SLC9A1: variants seen among roughly 807,000 people sequenced by gnomAD.
The protein encoded by SLC9A1 is solute carrier family 9 member A1.
SLC9A1 carries 22 observed loss-of-function variants against 67.9 expected under a neutral mutation model. The ratio of observed to expected loss-of-function variants is 0.32; its 90% CI spans 0.23 to 0.46. The LOEUF is 0.46. SLC9A1 is among the 20% of genes least tolerant of loss of function. The pLI is 1.00. For missense variants in SLC9A1, 686 were observed against 1,094.8 expected (o/e 0.63, Z 5.27); for synonymous variants, 421 against 471.8 (o/e 0.89, Z 1.40).
At chr1:27,153,796 G>C (rs1000371502) in intron 1 of SLC9A1, among the ~76,000 whole-genome samples, 187 bp downstream of exon 1, 2 of 152,174 alleles carry the variant, frequency 1.3e-5, no homozygotes, top group African/African-American at 4.8e-5. Context: ...ATCTTGGGAA[G>C]CCTCAGATCA....
At chr1:27,128,605 G>A (rs902204265) in intron 1 of SLC9A1, among the ~76,000 whole-genome samples, 8 of 150,246 alleles carry the variant, frequency 5.3e-5, no homozygotes, top group African/African-American at 1.2e-4. Flanking sequence ...TCAGTGAGCC[G>A]AGATCATGCC....
intron 5 of SLC9A1, 49 bp from the exon 6 acceptor site, chr1:27,103,361 G>A: frequency 7.4e-7 from 1 of 1,346,188 alleles, no homozygotes. Flanking sequence ...ACCCAGGCAG[G>A]GAGGCCACAG....
chr1:27,129,088 C>A (rs752453), intron 1 of SLC9A1, among the ~76,000 whole-genome samples: 3,777 of 152,288 alleles, frequency 0.025, 157 homozygotes, highest in African/African-American at 0.084. Flanking sequence ...ACTAGGGAGG[C>A]AAGAGCTTCT....
chr1:27,150,627 C>T (rs2083520287), intron 1 of SLC9A1, among the ~76,000 whole-genome samples: 1 of 152,136 alleles, frequency 6.6e-6, no homozygotes, highest in Admixed American at 6.6e-5. Context: ...TGGCCCCTCC[C>T]CACCAAGGAC....
At chr1:27,145,880 A>G (rs2083481942) in intron 1 of SLC9A1, among the ~76,000 whole-genome samples, 1 of 152,232 alleles carries the variant, frequency 6.6e-6, no homozygotes, top group South Asian at 2.1e-4. Context: ...AGTCAGCATG[A>G]TCCCAGGGAA....
In SLC9A1 at chr1:27,098,921, C is replaced by T. The variant is rs1308974239; in HGVS notation, c.*1386G>A. The T allele has an allele frequency of 1.3e-5, 2 of 152,676 alleles. No homozygotes were observed. The highest frequency in any genetic ancestry group is 2.9e-5 in the Non-Finnish European group (2 of 68,090). The allele number at this position is 152,676 out of a possible 1,614,324, so 9.5% of individuals were successfully genotyped here. On this transcript the variant is annotated 3_prime_UTR_variant, in exon 12 of 12. Transcript: ENST00000263980. ...GCTTGGTACGTGGTTGTCGATGTCA[C>T]CCTTGCATGGTGACTCCTGCCCAAA...
chr1:27,141,214 T>G (rs1249408584), intron 1 of SLC9A1, among the ~76,000 whole-genome samples: 2 of 151,990 alleles, frequency 1.3e-5, no homozygotes, highest in Non-Finnish European at 2.9e-5. Flanking sequence ...AATAAAAAAT[T>G]AAAAAAAATT....
At chr1:27,107,936 G>T in intron 3 of SLC9A1, 71 bp from the exon 4 acceptor site, 1 of 1,165,470 alleles carries the variant, frequency 8.6e-7, no homozygotes, top group Non-Finnish European at 1.2e-6. Context: ...CACTGCCAGG[G>T]GCAATGGGGC....
intron 1 of SLC9A1, among the ~76,000 whole-genome samples, chr1:27,132,215 A>G (rs563388923): frequency 6.6e-6 from 1 of 152,072 alleles, no homozygotes; most frequent in African/African-American, 2.4e-5. Context: ...CAATTCTCCA[A>G]AAGGAGGACA....
At chr1:27,151,077 G>A (rs1483276391) in intron 1 of SLC9A1, among the ~76,000 whole-genome samples, 1 of 152,074 alleles carries the variant, frequency 6.6e-6, no homozygotes, top group Non-Finnish European at 1.5e-5. Context: ...CTCCCGCCAT[G>A]ACCAGCTCAA....
At chr1:27,145,080 A>G (rs1308752352) in intron 1 of SLC9A1, among the ~76,000 whole-genome samples, 1 of 152,072 alleles carries the variant, frequency 6.6e-6, no homozygotes, top group East Asian at 1.9e-4. Flanking sequence ...AAGGAAAAAA[A>G]AAAAAAAAAA....
intron 1 of SLC9A1, among the ~76,000 whole-genome samples, chr1:27,150,210 G>C (rs2083517181): frequency 6.6e-6 from 1 of 152,116 alleles, no homozygotes; most frequent in Non-Finnish European, 1.5e-5. Context: ...AGTGGGCAGT[G>C]ACCCCATCTC....
Position 27,137,696 on chromosome 1 carries a change from G to A in SLC9A1, c.352+16287C>T, listed in dbSNP as rs1049083401. 2.6e-5 allele frequency among the ~76,000 whole-genome samples: 4 copies of A among 152,118 alleles called. No homozygotes were observed. Among genetic ancestry groups the A allele is most frequent in the African/African-American group, 2.4e-5 (1 of 41,448 alleles). ...GACCATAGGGTTCAGCAGGGAACAC[G>A]CATGTCCAACCCTGGTGTTCAGCAA... On this transcript the variant is annotated intron_variant, in intron 1 of 11. Transcript: ENST00000263980. This position sits in a 1 kb window ranked among gnomAD's most constrained non-coding sequence, Gnocchi z 4.6.
intron 1 of SLC9A1, among the ~76,000 whole-genome samples, chr1:27,120,537 A>T (rs1482117759): frequency 6.6e-6 from 1 of 151,570 alleles, no homozygotes; most frequent in Admixed American, 6.6e-5. Context: ...CAGGAGTTCT[A>T]GACCACAGTG....
At position 27,120,220 on chromosome 1, in the gene SLC9A1, G is replaced by C. The variant is rs1377234530; in HGVS notation, c.353-5934C>G. On this transcript the variant is annotated intron_variant, in intron 1 of 11. Transcript: ENST00000263980. The stretch of plus-strand genomic sequence containing the variant: ...GGCTCACTACAGCGTCTGCCTCCCG[G>C]GTTCAAGTGATTCTCCTGCCTTAAC... Among the ~76,000 whole-genome samples, 25 of 151,922 alleles carry C rather than the reference G, an allele frequency of 1.6e-4. 1 individual carries two copies. The highest frequency in any genetic ancestry group is 1.6e-3 in the Admixed American group (25 of 15,248).
chr1:27,120,661 C>T (rs1343402142), intron 1 of SLC9A1, among the ~76,000 whole-genome samples: 7 of 151,908 alleles, frequency 4.6e-5, no homozygotes, highest in Non-Finnish European at 1.0e-4. Context: ...TCACTTGAAC[C>T]TGTTAGGCAG....
In SLC9A1 at chr1:27,100,414, C is replaced by T. The variant is rs200843173; in HGVS notation, c.2341G>A (p.Ala781Thr). The change falls in exon 12 of 12, where the codon GCG becomes ACG. Residue 781 changes from alanine to threonine, a missense_variant. Physicochemically the swap from Ala to Thr is moderately conservative, Grantham distance 58. Transcript: ENST00000263980. The surrounding 1 kb of genome is among the most constrained non-coding windows in gnomAD (Gnocchi z 5.6). ...TGGGAGCTGGGGCTGTCACTGGGCGCGGGGGTGAAGACATCGTCGGTTCCT... is the reference window on the plus strand; with the variant it reads ...TGGGAGCTGGGGCTGTCACTGGGCGTGGGGGTGAAGACATCGTCGGTTCCT... ...SPGTDDVFTP[A>T]PSDSPSSQRI... is the part of the protein sequence containing the mutation. The T allele has an allele frequency of 4.9e-5, 79 of 1,608,684 alleles. No individual in the cohort carries two copies. Among genetic ancestry groups the T allele is most frequent in the Middle Eastern group, 1.7e-4 (1 of 6,030 alleles).
Position 27,099,994 on chromosome 1 carries a change from G to A in SLC9A1, c.*313C>T, listed in dbSNP as rs752699041. ...TTGGTCTGAATGAGGAGGAGGATGA[G>A]GCAGAGGGAGGAGCCTCCGAGGCCC... On this transcript the variant is annotated 3_prime_UTR_variant, in exon 12 of 12. Coordinates refer to ENST00000263980, the MANE Select transcript of SLC9A1 (RefSeq NM_003047.5). 1.4e-5 allele frequency: 5 copies of A among 355,124 alleles called. No individual in the cohort carries two copies. Among genetic ancestry groups the A allele is most frequent in the Non-Finnish European group, 2.5e-5 (5 of 196,702 alleles). 22.0% of individuals were successfully genotyped at this position (355,124 alleles called of 1,614,324 possible).
intron 1 of SLC9A1, among the ~76,000 whole-genome samples, chr1:27,134,989 G>A (rs963423386): frequency 8.6e-5 from 13 of 151,892 alleles, no homozygotes; most frequent in East Asian, 3.9e-4. Flanking sequence ...TGCCTGCCTC[G>A]GCTCCCAAAG....
Sources: allele counts gnomAD v4.1 joint callset (sites outside exome capture counted in the v4.1 genomes callset), GRCh38; gene constraint gnomAD v4.1.1; non-coding constraint Gnocchi (gnomAD v3.1); transcripts MANE v1.5; gene names NCBI Gene and HGNC (gene_info 2026-07-23, HGNC 2026-07-21).